SLC44A1: variants seen among roughly 807,000 people sequenced by gnomAD.
SLC44A1 encodes solute carrier family 44 member 1, also known as choline transporter-like protein 1.
In SLC44A1, 26 loss-of-function variants were observed where a neutral mutation model predicts 79.3. That is an observed-to-expected ratio of 0.33 (90% confidence interval 0.24 to 0.46). The LOEUF (loss-of-function observed/expected upper bound fraction) is 0.46, where lower values mean the gene tolerates loss of function less well. Ranked by LOEUF, SLC44A1 falls within the 20% of genes least tolerant of loss-of-function variation. The probability of loss-of-function intolerance (pLI) is 1.00; values close to 1 mark genes in which losing one functional copy is unlikely to be tolerated. For synonymous variants in SLC44A1, 263 were observed against 286.2 expected, an observed-to-expected ratio of 0.92 and a Z score of 0.82; for missense variants, 688 against 798.1, an observed-to-expected ratio of 0.86 and a Z score of 1.66.
rs76625158 is a variant in SLC44A1 at position 105,280,391 on chromosome 9, T to C, written c.37-18829T>C. Among the ~76,000 whole-genome samples, 869 of 152,232 alleles carry C rather than the reference T, an allele frequency of 5.7e-3. 14 individuals are homozygous for C. The highest frequency in any genetic ancestry group is 0.02 in the African/African-American group (823 of 41,526). On this transcript the variant is annotated intron_variant, in intron 1 of 15. Coordinates refer to ENST00000374720, the MANE Select transcript of SLC44A1 (RefSeq NM_080546.5). ...GTGTAGGATTAAATGAGATAAAGAG[T>C]TGAGCAAATTGCTGGTGCTTGGGAA...
chr9:105,404,677 TAC>T lies in SLC44A1; in HGVS notation c.1950+19177_1950+19178del, dbSNP rs1383553137. Among the ~76,000 whole-genome samples the T allele has an allele frequency of 2.0e-5, 3 of 152,322 alleles. No individual in the cohort carries two copies. In the East Asian group the frequency reaches 5.8e-4, roughly 29 times the overall value. On this transcript the variant is annotated intron_variant, in intron 15 of 15. Transcript: ENST00000374724. ...GGAATATGCTTCGAAAGCAGTTAAATACAACAGAGTTGTTATCTCCTTATTTT... is the reference window on the plus strand; with the variant it reads ...GGAATATGCTTCGAAAGCAGTTAAATAACAGAGTTGTTATCTCCTTATTTT...
At chr9:105,416,601 T>C (rs1564057240) in intron 15 of SLC44A1, among the ~76,000 whole-genome samples, 2 of 152,220 alleles carry the variant, frequency 1.3e-5, no homozygotes, top group South Asian at 2.1e-4. Flanking sequence ...TGGTGTGTGC[T>C]AAGGCATAAA....
At position 105,396,305 on chromosome 9, in the gene SLC44A1, CT is replaced by C. The variant is rs1828873741; in HGVS notation, c.*7250del. On this transcript the variant is annotated 3_prime_UTR_variant, in exon 16 of 16. Coordinates refer to ENST00000374720, the MANE Select transcript of SLC44A1 (RefSeq NM_080546.5). ...AAGAAGTTAGTTCAGTGGTTATTAA[CT>C]GATTTTATTACAGGAGAAAAAAACT... 1 of 985,022 alleles carries C rather than the reference CT, an allele frequency of 1.0e-6. No individual in the cohort carries two copies. Among genetic ancestry groups the C allele is most frequent in the Admixed American group, 6.2e-5 (1 of 16,256 alleles). The allele number at this position is 985,022 out of a possible 1,614,324, so 61.0% of individuals were successfully genotyped here. A position where few individuals can be genotyped will look rare whatever the true frequency, so the allele number is the denominator to read the frequency against.
chr9:105,413,773 T>C (rs1168627102), intron 15 of SLC44A1, among the ~76,000 whole-genome samples: 12 of 152,162 alleles, frequency 7.9e-5, no homozygotes, highest in Admixed American at 5.2e-4. Flanking sequence ...TCAGACAGAA[T>C]GTGAGGAAGA....
intron 13 of SLC44A1, among the ~76,000 whole-genome samples, chr9:105,375,104 C>T (rs1471336500): frequency 6.6e-6 from 1 of 152,180 alleles, no homozygotes; most frequent in East Asian, 1.9e-4. Context: ...TACAATGGTG[C>T]TATCTCAGCT....
At chr9:105,319,409 C>A (rs1308557268) in intron 3 of SLC44A1, among the ~76,000 whole-genome samples, 1 of 152,130 alleles carries the variant, frequency 6.6e-6, no homozygotes, top group Admixed American at 6.5e-5. Context: ...GAGCACAGTA[C>A]TTTCTCAGTG....
intron 15 of SLC44A1, among the ~76,000 whole-genome samples, chr9:105,417,839 C>CAAAAAAA (rs146589405): frequency 1.7e-5 from 1 of 57,910 alleles, no homozygotes; most frequent in Non-Finnish European, 4.3e-5. Flanking sequence ...CTCATCCCTA[C>CAAAAAAA]AAAAAAAAAA....
At chr9:105,368,953 G>A (rs563811401) in intron 12 of SLC44A1, among the ~76,000 whole-genome samples, 21 of 152,264 alleles carry the variant, frequency 1.4e-4, no homozygotes, top group Admixed American at 1.1e-3. Context: ...CAGGAGAATC[G>A]CTTGAACCTG....
rs528373209 is a variant in SLC44A1 at position 105,272,740 on chromosome 9, A to G, written c.37-26480A>G. 1.6e-4 allele frequency among the ~76,000 whole-genome samples: 25 copies of G among 152,186 alleles called. 1 individual carries two copies. On this transcript the variant is annotated intron_variant, in intron 1 of 15. Transcript: ENST00000374720. ...CCCAAATTCCACTTAAGGTTGATGA[A>G]TGGCCTACTGGTCAGTTGAAAAAAT...
downstream of SLC44A1, among the ~76,000 whole-genome samples, chr9:105,400,286 C>G (rs1043779859): frequency 6.6e-6 from 1 of 151,702 alleles, no homozygotes; most frequent in Non-Finnish European, 1.5e-5. Context: ...ATCAAAAGAT[C>G]GAGACCGTCC....
chr9:105,294,382 G>T (rs1278450526), intron 1 of SLC44A1, among the ~76,000 whole-genome samples: 1 of 151,636 alleles, frequency 6.6e-6, no homozygotes, highest in Non-Finnish European at 1.5e-5. Flanking sequence ...ATTCTGTCAC[G>T]TGTTTTGGTT....
rs2131487808 is a variant in SLC44A1, at chr9:105,393,582, C to G, written c.*4526C>G. The G allele has an allele frequency of 1.1e-6, 1 of 943,530 alleles. No homozygotes were observed. Among genetic ancestry groups the G allele is most frequent in the African/African-American group, 1.8e-5 (1 of 56,484 alleles). The allele number at this position is 943,530 out of a possible 1,614,324, so 58.4% of individuals were successfully genotyped here. A position where few individuals can be genotyped will look rare whatever the true frequency, so the allele number is the denominator to read the frequency against. ...AGAAAACTTTAATGCAGTTTTTAAA[C>G]TTACTGATTTCTGTGGAAAACCTTT... On this transcript the variant is annotated 3_prime_UTR_variant, in exon 16 of 16. Transcript: ENST00000374720.
At chr9:105,409,733 G>C (rs1829072110) in intron 15 of SLC44A1, among the ~76,000 whole-genome samples, 1 of 152,090 alleles carries the variant, frequency 6.6e-6, no homozygotes, top group Non-Finnish European at 1.5e-5. Flanking sequence ...GAAACTAACA[G>C]AATTAAATGG....
At position 105,395,632 on chromosome 9, in the gene SLC44A1, C is replaced by T. The variant is rs1828860766; in HGVS notation, c.*6576C>T. ...AGTCTAAGTATCTAAATGTGATATGCCCTTTTGTCACAGAAGTGTAAGACT... is the reference window on the plus strand; with the variant it reads ...AGTCTAAGTATCTAAATGTGATATGTCCTTTTGTCACAGAAGTGTAAGACT... On this transcript the variant is annotated 3_prime_UTR_variant, in exon 16 of 16. Coordinates refer to ENST00000374720, the MANE Select transcript of SLC44A1 (RefSeq NM_080546.5). 6.1e-6 allele frequency: 6 copies of T among 985,228 alleles called. No individual in the cohort carries two copies. Among genetic ancestry groups the T allele is most frequent in the Non-Finnish European group, 7.2e-6 (6 of 829,784 alleles). 61.0% of individuals were successfully genotyped at this position (985,228 alleles called of 1,614,324 possible). A position where few individuals can be genotyped will look rare whatever the true frequency, so the allele number is the denominator to read the frequency against.
intron 15 of SLC44A1, chr9:105,438,204 T>G: frequency 1.6e-6 from 2 of 1,214,302 alleles, no homozygotes; most frequent in Non-Finnish European, 2.4e-6. Context: ...CCACACTATT[T>G]CTAGTTATTG....
At chr9:105,347,645 G>T (rs1659000169) in intron 4 of SLC44A1, among the ~76,000 whole-genome samples, 1 of 151,806 alleles carries the variant, frequency 6.6e-6, no homozygotes, top group African/African-American at 2.4e-5. Context: ...ATATGTGTTG[G>T]CCATATAATC....
intron 2 of SLC44A1, among the ~76,000 whole-genome samples, chr9:105,304,550 C>T (rs1403967416): frequency 6.6e-6 from 1 of 152,140 alleles, no homozygotes; most frequent in Non-Finnish European, 1.5e-5. Flanking sequence ...GTAAACCAAA[C>T]AGGTGTGAAC....
downstream of SLC44A1, among the ~76,000 whole-genome samples, chr9:105,402,220 T>G (rs558111657): frequency 3.3e-5 from 5 of 152,144 alleles, no homozygotes; most frequent in East Asian, 9.6e-4. Context: ...AATCTAGCCA[T>G]ATGGAGACTG....
intron 3 of SLC44A1, among the ~76,000 whole-genome samples, chr9:105,329,653 TA>T (rs1376911214): frequency 6.6e-6 from 1 of 152,158 alleles, no homozygotes; most frequent in East Asian, 1.9e-4. Flanking sequence ...TTCCAGATTC[TA>T]AGGACGGCTA....
Sources: gnomAD v4.1 joint callset for allele counts (sites outside exome capture counted in the v4.1 genomes callset) on GRCh38, gnomAD v4.1.1 for gene constraint, MANE v1.5 for transcripts, NCBI Gene and HGNC (gene_info 2026-07-23, HGNC 2026-07-21) for gene names.